Variants in FHIT observed in about 807,000 individuals in gnomAD.
FHIT encodes fragile histidine triad diadenosine triphosphatase.
A neutral mutation model predicts 17.9 loss-of-function variants in FHIT; 19 were observed. The observed-to-expected ratio is 1.06, with a 90% CI of 0.74 to 1.56. The LOEUF is 1.56. FHIT is among the 40% of genes most tolerant of loss of function. FHIT has a pLI of 0.00. For missense variants in FHIT, 248 were observed against 189.2 expected (o/e 1.31, Z -1.82); for synonymous variants, 81 against 69.7 (o/e 1.16, Z -0.81).
intron 3 of FHIT, among the ~76,000 whole-genome samples, chr3:60,948,949 A>G (rs1553776439): frequency 6.6e-6 from 1 of 152,172 alleles, no homozygotes; most frequent in East Asian, 1.9e-4. Context: ...CTGGCACATA[A>G]CAGAAAGCAG....
chr3:60,222,290 T>C (rs1453387045), intron 5 of FHIT, among the ~76,000 whole-genome samples: 1 of 152,170 alleles, frequency 6.6e-6, no homozygotes, highest in East Asian at 1.9e-4. Context: ...GCAGAAAAAG[T>C]ATAAGCTCTC....
At chr3:60,315,114 C>G (rs1709108126) in intron 5 of FHIT, among the ~76,000 whole-genome samples, 1 of 152,060 alleles carries the variant, frequency 6.6e-6, no homozygotes, top group South Asian at 2.1e-4. Flanking sequence ...GGGAAAGATG[C>G]CCACCCAACC....
intron 5 of FHIT, among the ~76,000 whole-genome samples, chr3:60,069,905 T>C (rs9819602): frequency 0.087 from 13,228 of 152,200 alleles, 759 homozygotes; most frequent in African/African-American, 0.17. Flanking sequence ...ATTTACCATA[T>C]AAAAACTTTC....
intron 8 of FHIT, among the ~76,000 whole-genome samples, chr3:59,869,242 A>T (rs1286730163): frequency 6.6e-6 from 1 of 152,196 alleles, no homozygotes; most frequent in Admixed American, 6.5e-5. Flanking sequence ...TCAACCAACA[A>T]GCTCAACTAG....
chr3:60,690,406 G>A, intron 4 of FHIT: 1 of 579,746 alleles, frequency 1.7e-6, no homozygotes, highest in Non-Finnish European at 3.4e-6. Context: ...ATTTGCGTTG[G>A]GTCCAGCATT....
At chr3:60,929,697 T>C (rs1707845022) in intron 3 of FHIT, among the ~76,000 whole-genome samples, 1 of 152,182 alleles carries the variant, frequency 6.6e-6, no homozygotes, top group Non-Finnish European at 1.5e-5. Flanking sequence ...AAACCACTAC[T>C]TAATGAAATA....
chr3:61,017,071 G>A lies in FHIT; in HGVS notation c.-111+24976C>T, dbSNP rs540858963. On this transcript the variant is annotated intron_variant, in intron 3 of 9. Transcript: ENST00000492590. ...GGAGGCCGAGGTGAGCAGATCGCCT[G>A]AGGTCAGGAGTTCAAGACCAGCCTG... Among the ~76,000 whole-genome samples, 5 of 152,334 alleles carry A rather than the reference G, an allele frequency of 3.3e-5. No homozygotes were observed. In the East Asian group the frequency reaches 9.7e-4, roughly 29 times the overall value.
chr3:60,754,683 T>C (rs2042538514), intron 4 of FHIT, among the ~76,000 whole-genome samples: 1 of 152,086 alleles, frequency 6.6e-6, no homozygotes, highest in Admixed American at 6.5e-5. Flanking sequence ...TTTTGGGAGA[T>C]ACTCAGTGGT....
At chr3:60,617,927 GA>G (rs2039001372) in intron 4 of FHIT, 1 of 240,894 alleles carries the variant, frequency 4.2e-6, no homozygotes, top group Non-Finnish European at 8.4e-6. Flanking sequence ...TGTGATAACT[GA>G]AAAATCCTTG....
intron 3 of FHIT, among the ~76,000 whole-genome samples, chr3:60,961,553 T>C (rs1357974288): frequency 6.6e-6 from 1 of 152,214 alleles, no homozygotes; most frequent in African/African-American, 2.4e-5. Flanking sequence ...TAGGGTTTTA[T>C]GGTTTTAGGT....
At chr3:60,680,226 T>A (rs1277982719) in intron 4 of FHIT, among the ~76,000 whole-genome samples, 1 of 152,164 alleles carries the variant, frequency 6.6e-6, no homozygotes, top group Non-Finnish European at 1.5e-5. Context: ...GATTTATTTT[T>A]CCCTTTAATT....
At chr3:60,122,032 A>C (rs1167128941) in intron 5 of FHIT, among the ~76,000 whole-genome samples, 2 of 151,906 alleles carry the variant, frequency 1.3e-5, no homozygotes, top group Admixed American at 1.3e-4. Flanking sequence ...AACAGACTAC[A>C]CTTGCAAATC....
chr3:61,213,113 C>G (rs2106776541), intron 1 of FHIT, among the ~76,000 whole-genome samples: 1 of 152,270 alleles, frequency 6.6e-6, no homozygotes, highest in East Asian at 1.9e-4. Context: ...AGCAAAATAA[C>G]CAGCTAACAT....
chr3:61,227,829 C>T (rs188114483), intron 1 of FHIT, among the ~76,000 whole-genome samples: 4 of 152,108 alleles, frequency 2.6e-5, no homozygotes, highest in Admixed American at 6.5e-5. Flanking sequence ...GTGTGATGTT[C>T]GGATTATTTT....
chr3:60,956,659 T>C (rs1338364802), intron 3 of FHIT, among the ~76,000 whole-genome samples: 1 of 152,150 alleles, frequency 6.6e-6, no homozygotes, highest in Non-Finnish European at 1.5e-5. Context: ...CATAAGGAGT[T>C]ACCAATTCCA....
intron 7 of FHIT, among the ~76,000 whole-genome samples, chr3:59,947,749 C>G (rs1008414633): frequency 4.5e-4 from 68 of 152,282 alleles, no homozygotes; most frequent in African/African-American, 1.5e-3. Flanking sequence ...CTGGAAACAA[C>G]ACTCTGACAG....
chr3:60,185,379 G>A (rs1702116041), intron 5 of FHIT, among the ~76,000 whole-genome samples: 2 of 152,152 alleles, frequency 1.3e-5, no homozygotes, highest in African/African-American at 4.8e-5. Flanking sequence ...TCATGCAGTA[G>A]ATAGCCTTTT....
intron 5 of FHIT, among the ~76,000 whole-genome samples, chr3:60,180,797 C>A (rs1410596341): frequency 6.6e-6 from 1 of 151,944 alleles, no homozygotes; most frequent in Non-Finnish European, 1.5e-5. Context: ...TCTGGAAGAA[C>A]CAAACAGAAT....
intron 2 of FHIT, among the ~76,000 whole-genome samples, chr3:61,063,016 T>C (rs950982022): frequency 3.9e-5 from 6 of 151,986 alleles, no homozygotes; most frequent in African/African-American, 1.4e-4. Flanking sequence ...GTTTTAAGTG[T>C]TGGGAGTCCG....
Sources: gnomAD v4.1 joint callset for allele counts (sites outside exome capture counted in the v4.1 genomes callset) on GRCh38, gnomAD v4.1.1 for gene constraint, MANE v1.5 for transcripts, NCBI Gene and HGNC (gene_info 2026-07-23, HGNC 2026-07-21) for gene names.